GMEB1: variants seen among roughly 807,000 people sequenced by gnomAD.
The protein encoded by GMEB1 is glucocorticoid modulatory element binding protein 1, also known as glucocorticoid modulatory element-binding protein 1.
Under a neutral mutation model 52.4 loss-of-function variants are expected in GMEB1, and 6 were observed. That is an observed-to-expected ratio of 0.11 (90% CI 0.06 to 0.23). GMEB1 has a LOEUF of 0.23. Ranked by LOEUF, GMEB1 falls within the 10% of genes least tolerant of loss-of-function variation. The pLI is 1.00. For missense variants in GMEB1, 486 were observed against 685.6 expected, an observed-to-expected ratio of 0.71 and a Z score of 3.25; for synonymous variants, 255 against 244.9, an observed-to-expected ratio of 1.04 and a Z score of -0.38.
chr1:28,713,157 C>CA (rs1222945447), intron 9 of GMEB1, among the ~76,000 whole-genome samples: 19,476 of 75,968 alleles, frequency 0.26, 1,797 homozygotes, highest in Non-Finnish European at 0.31. Flanking sequence ...GACTCCATCT[C>CA]AAAAAAAAAA....
chr1:28,702,289 A>G, intron 6 of GMEB1, 149 bp from the exon 7 acceptor site: 1 of 506,914 alleles, frequency 2.0e-6, no homozygotes, highest in Non-Finnish European at 3.5e-6. Flanking sequence ...TAGCTTACCT[A>G]AGAGTCTAGT....
rs185884040 is a variant in GMEB1, at chr1:28,691,725, A to G, written c.336+16A>G. 56 of 1,443,948 alleles carry G rather than the reference A, an allele frequency of 3.9e-5. No individual in the cohort carries two copies. The African/African-American group carries it at 7.3e-4, about 19-fold the overall frequency. The allele number at this position is 1,443,948 out of a possible 1,614,324, so 89.4% of individuals were successfully genotyped here. A position where few individuals can be genotyped will look rare whatever the true frequency, so the allele number is the denominator to read the frequency against. ...GTGTGTCAAGGTAATTGTCTTTTCC[A>G]TGCTGAAGCCAAATTTGGGACTCCT... On this transcript the variant is annotated intron_variant, in intron 4 of 9. Coordinates refer to ENST00000373816, the MANE Select transcript of GMEB1 (RefSeq NM_001319674.2).
At position 28,692,962 on chromosome 1, in the gene GMEB1, C is replaced by T. The variant is rs760346353; in HGVS notation, c.357C>T (p.Ser119=). ...KCVKFNDQLI[S]PKHFVHLAGK... is the part of the protein sequence containing the mutation. ...TTTAGTTCAATGATCAGTTGATCAGCCCCAAGCACTTTGTTCATCTGGCTG... is the reference window on the plus strand; with the variant it reads ...TTTAGTTCAATGATCAGTTGATCAGTCCCAAGCACTTTGTTCATCTGGCTG... The change falls in exon 5 of 10, where the codon AGC becomes AGT. Residue 119 remains serine, a synonymous_variant. Coordinates refer to ENST00000373816, the MANE Select transcript of GMEB1 (RefSeq NM_001319674.2). The T allele has an allele frequency of 1.7e-5, 28 of 1,605,450 alleles. No homozygotes were observed. The highest frequency in any genetic ancestry group is 1.7e-4 in the Middle Eastern group (1 of 6,048).
chr1:28,676,995 A>G (rs977310726), intron 1 of GMEB1, among the ~76,000 whole-genome samples: 8 of 152,184 alleles, frequency 5.3e-5, no homozygotes, highest in African/African-American at 1.9e-4. Context: ...CAGAGGTTGC[A>G]GTGAGCTGAA....
chr1:28,695,965 A>G (rs1670186971), intron 5 of GMEB1, among the ~76,000 whole-genome samples: 1 of 134,418 alleles, frequency 7.4e-6, no homozygotes, highest in Non-Finnish European at 1.6e-5. Context: ...AAAAAAAAAA[A>G]AAAAAAAAAT....
At chr1:28,687,089 A>G (rs569723879) in intron 2 of GMEB1, among the ~76,000 whole-genome samples, 1 of 151,920 alleles carries the variant, frequency 6.6e-6, no homozygotes, top group East Asian at 1.9e-4. Context: ...TAATCCCAGC[A>G]TTTTGGGAGG....
At chr1:28,707,669 G>A (rs1670845422) in intron 8 of GMEB1, among the ~76,000 whole-genome samples, 1 of 152,062 alleles carries the variant, frequency 6.6e-6, no homozygotes, top group Non-Finnish European at 1.5e-5. Context: ...ATAAAAATTA[G>A]TTTTACCTCT....
chr1:28,673,192 C>T (rs920815695), intron 1 of GMEB1, among the ~76,000 whole-genome samples: 1 of 152,094 alleles, frequency 6.6e-6, no homozygotes, highest in Non-Finnish European at 1.5e-5. Flanking sequence ...CTGCGCCCAG[C>T]CAGTATTACT....
rs145824084 is a variant in GMEB1, at chr1:28,708,531, G to A, written c.869-1989G>A. ...GGCTGGAGTGCAGTGGTGCAATCTC[G>A]GCTCACTGCAACCTCTGCTTCACGG... is the stretch of plus-strand genomic sequence containing the variant. On this transcript the variant is annotated intron_variant, in intron 8 of 9. Transcript: ENST00000373816. Among the ~76,000 whole-genome samples the A allele has an allele frequency of 3.3e-3, 501 of 151,618 alleles. 2 individuals are homozygous for A. Among genetic ancestry groups the A allele is most frequent in the African/African-American group, 0.012 (481 of 41,316 alleles).
At chr1:28,685,199 A>T (rs533017027) in intron 2 of GMEB1, among the ~76,000 whole-genome samples, 1 of 152,160 alleles carries the variant, frequency 6.6e-6, no homozygotes, top group East Asian at 1.9e-4. Context: ...GATAAGATTT[A>T]AAAAGGGGTT....
chr1:28,690,217 T>TC, intron 3 of GMEB1, 31 bp downstream of exon 3: 1 of 1,068,844 alleles, frequency 9.4e-7, no homozygotes. Flanking sequence ...TTTTTTTTTT[T>TC]TTTTTTTGTC....
intron 1 of GMEB1, among the ~76,000 whole-genome samples, chr1:28,679,838 G>T (rs1669317572): frequency 6.9e-6 from 1 of 144,444 alleles, no homozygotes; most frequent in African/African-American, 2.6e-5. Flanking sequence ...TTTCACTCTT[G>T]TTGTCCGGGC....
At chr1:28,680,692 G>A (rs183514037) in intron 1 of GMEB1, among the ~76,000 whole-genome samples, 131 of 151,738 alleles carry the variant, frequency 8.6e-4, no homozygotes, top group African/African-American at 3.0e-3. Flanking sequence ...CTGAGATCAT[G>A]CCACTGCACT....
intron 6 of GMEB1, among the ~76,000 whole-genome samples, chr1:28,701,951 A>G (rs141214208): frequency 6.6e-6 from 1 of 152,194 alleles, no homozygotes; most frequent in African/African-American, 2.4e-5. Flanking sequence ...TATGGTCTCC[A>G]TTTCTTTTAC....
chr1:28,714,525 G>T lies in GMEB1; in HGVS notation c.1444G>T (p.Val482Phe). Reference sequence around the variant, plus strand: ...TACACTGGGCAACATGACCACCATGGTTAGCCCTGTGGAATTGGTGGCCAT... The same window carrying T: ...TACACTGGGCAACATGACCACCATGTTTAGCCCTGTGGAATTGGTGGCCAT... ...GSTLGNMTTM[V>F]SPVELVAMES... Residue 482 changes from valine (V) to phenylalanine (F), a missense_variant, in exon 10 of 10, where the codon GTT becomes TTT. Transcript: ENST00000373816. 1 of 1,614,196 alleles carries T rather than the reference G, an allele frequency of 6.2e-7. No individual in the cohort carries two copies. Among genetic ancestry groups the T allele is most frequent in the Non-Finnish European group, 8.5e-7 (1 of 1,180,040 alleles).
intron 7 of GMEB1, among the ~76,000 whole-genome samples, chr1:28,703,700 A>T (rs1177015860): frequency 6.6e-6 from 1 of 151,932 alleles, no homozygotes; most frequent in Admixed American, 6.6e-5. Context: ...AAAAGAAAAG[A>T]CATAGCCACC....
At chr1:28,673,546 C>T (rs1287642912) in intron 1 of GMEB1, among the ~76,000 whole-genome samples, 2 of 152,184 alleles carry the variant, frequency 1.3e-5, no homozygotes, top group Non-Finnish European at 1.5e-5. Context: ...TGAGCCACTG[C>T]GTGCAGCCTG....
chr1:28,671,698 C>T (rs988960956), intron 1 of GMEB1, among the ~76,000 whole-genome samples: 10 of 151,862 alleles, frequency 6.6e-5, no homozygotes, highest in Admixed American at 4.6e-4. Flanking sequence ...GAGCCGAGAG[C>T]GCACCACTGC....
chr1:28,714,987 T>C lies in GMEB1; in HGVS notation c.*214T>C. 1 of 546,278 alleles carries C rather than the reference T, an allele frequency of 1.8e-6. No homozygotes were observed. 33.8% of individuals were successfully genotyped at this position (546,278 alleles called of 1,614,324 possible). A position where few individuals can be genotyped will look rare whatever the true frequency, so the allele number is the denominator to read the frequency against. ...CCTTCCAGAAGTTGAGAGTAGGTCATTCAATGTCCTAATCATCTTACACCA... is the reference window on the plus strand; with the variant it reads ...CCTTCCAGAAGTTGAGAGTAGGTCACTCAATGTCCTAATCATCTTACACCA... On this transcript the variant is annotated 3_prime_UTR_variant, in exon 10 of 10. Transcript: ENST00000373816.
Sources: gnomAD v4.1 joint callset for allele counts (sites outside exome capture counted in the v4.1 genomes callset) on GRCh38, gnomAD v4.1.1 for gene constraint, MANE v1.5 for transcripts, NCBI Gene and HGNC (gene_info 2026-07-23, HGNC 2026-07-21) for gene names.